Variants in COL24A1 observed in about 807,000 individuals in gnomAD.
COL24A1 encodes the protein collagen alpha-1(XXIV) chain.
Under a neutral mutation model 253.9 loss-of-function variants are expected in COL24A1, and 224 were observed. The ratio of observed to expected loss-of-function variants is 0.88; its 90% CI spans 0.79 to 0.99. The LOEUF (loss-of-function observed/expected upper bound fraction) is 0.99, where lower values mean the gene tolerates loss of function less well. Ranked by LOEUF, COL24A1 falls within the 50% of genes least tolerant of loss-of-function variation. The pLI, the probability that COL24A1 is intolerant of heterozygous loss-of-function variation, is 0.00. For missense variants in COL24A1, 2,131 were observed against 2,068.5 expected (o/e 1.03, Z -0.59); for synonymous variants, 685 against 673.7 (o/e 1.02, Z -0.26).
chr1:85,875,252 T>C, intron 34 of COL24A1, 25 bp downstream of exon 34: 1 of 1,606,438 alleles, frequency 6.2e-7, no homozygotes. Flanking sequence ...GTTTAGAGAT[T>C]CTCCTTTATT....
intron 5 of COL24A1, among the ~76,000 whole-genome samples, chr1:86,106,931 T>A (rs954446719): frequency 6.6e-6 from 1 of 152,212 alleles, no homozygotes; most frequent in African/African-American, 2.4e-5. Flanking sequence ...TTTCTATTGT[T>A]TAACAATTTA....
In COL24A1 at chr1:86,125,962, A is replaced by C; in HGVS notation, c.374T>G (p.Ile125Ser). ...HRVNNAFLFS[I>S]RNKNRLQLGV... ...TAATTGCAGTCTATTTTTATTTCTA[A>C]TGCTGAAGAGAAATGCATTGTTCAC... The change falls in exon 3 of 60, where the codon ATT becomes AGT. Residue 125 changes from isoleucine to serine, a missense_variant. Ile to Ser is a moderately radical substitution (Grantham distance 142). Transcript: ENST00000370571. 7 of 1,613,518 alleles carry C rather than the reference A, an allele frequency of 4.3e-6. No homozygotes were observed. Among genetic ancestry groups the C allele is most frequent in the Non-Finnish European group, 5.9e-6 (7 of 1,179,772 alleles).
intron 12 of COL24A1, among the ~76,000 whole-genome samples, chr1:86,043,553 G>T (rs757546596): frequency 3.3e-5 from 5 of 151,318 alleles, no homozygotes; most frequent in African/African-American, 4.9e-5. Flanking sequence ...TTTTGAGATG[G>T]AGTCTCGCTC....
At chr1:85,946,253 C>T (rs909218232) in intron 24 of COL24A1, among the ~76,000 whole-genome samples, 6 of 152,054 alleles carry the variant, frequency 3.9e-5, no homozygotes, top group East Asian at 1.9e-4. Flanking sequence ...GGGTATTAAG[C>T]GCATACTGTG....
chr1:86,122,253 C>A (rs1246519831), intron 3 of COL24A1, among the ~76,000 whole-genome samples: 1 of 151,978 alleles, frequency 6.6e-6, no homozygotes, highest in Non-Finnish European at 1.5e-5. Flanking sequence ...AAAGTCTCTT[C>A]TTTGGCTTTT....
chr1:86,033,205 T>C (rs1352741504), intron 13 of COL24A1, among the ~76,000 whole-genome samples: 4 of 152,130 alleles, frequency 2.6e-5, no homozygotes, highest in Non-Finnish European at 5.9e-5. Flanking sequence ...TTTACTTACG[T>C]GTAATTATTG....
intron 24 of COL24A1, among the ~76,000 whole-genome samples, chr1:85,946,733 T>C (rs1689358748): frequency 6.6e-6 from 1 of 152,232 alleles, no homozygotes; most frequent in African/African-American, 2.4e-5. Flanking sequence ...AAAACCCATG[T>C]ACTTTCTAAA....
intron 37 of COL24A1, among the ~76,000 whole-genome samples, chr1:85,856,793 A>G (rs1245152016): frequency 1.3e-5 from 2 of 152,140 alleles, no homozygotes; most frequent in Non-Finnish European, 2.9e-5. Flanking sequence ...AGGTGTCTGT[A>G]CGCCCAAAGG....
intron 37 of COL24A1, among the ~76,000 whole-genome samples, chr1:85,851,608 T>C (rs1677773910): frequency 6.6e-6 from 1 of 152,204 alleles, no homozygotes; most frequent in Non-Finnish European, 1.5e-5. Flanking sequence ...CCTATAATGC[T>C]TGATCGTATG....
At chr1:85,914,227 C>T (rs1007551878) in intron 24 of COL24A1, among the ~76,000 whole-genome samples, 1 of 151,690 alleles carries the variant, frequency 6.6e-6, no homozygotes, top group African/African-American at 2.4e-5. Context: ...GTTTTAAATA[C>T]CTGCTATGGC....
chr1:86,025,845 A>C (rs949006838), intron 14 of COL24A1, among the ~76,000 whole-genome samples: 10 of 152,104 alleles, frequency 6.6e-5, no homozygotes, highest in Non-Finnish European at 1.3e-4. Flanking sequence ...GCATTTTTGT[A>C]CCTAAAGAAA....
intron 24 of COL24A1, among the ~76,000 whole-genome samples, chr1:85,945,176 C>T (rs1262612410): frequency 6.6e-6 from 1 of 150,996 alleles, no homozygotes; most frequent in Non-Finnish European, 1.5e-5. Context: ...TGCCACCATG[C>T]CTGGCTAATT....
At chr1:85,962,213 T>C (rs971418137) in intron 23 of COL24A1, among the ~76,000 whole-genome samples, 1 of 152,144 alleles carries the variant, frequency 6.6e-6, no homozygotes, top group African/African-American at 2.4e-5. Flanking sequence ...AGGCACCCTG[T>C]GAACTGGAGC....
intron 28 of COL24A1, among the ~76,000 whole-genome samples, chr1:85,903,688 G>T (rs1450478579): frequency 6.6e-6 from 1 of 152,044 alleles, no homozygotes; most frequent in Non-Finnish European, 1.5e-5. Flanking sequence ...CATAAACTAA[G>T]CATGTTTTAT....
At chr1:85,802,950 A>G (rs1006159776) in intron 47 of COL24A1, among the ~76,000 whole-genome samples, 3 of 152,128 alleles carry the variant, frequency 2.0e-5, no homozygotes, top group Non-Finnish European at 4.4e-5. Flanking sequence ...ACTAGAATTT[A>G]TTTAGCCATT....
At chr1:85,807,194 T>C (rs10159046) in intron 47 of COL24A1, among the ~76,000 whole-genome samples, 8,925 of 152,222 alleles carry the variant, frequency 0.059, 884 homozygotes, top group African/African-American at 0.2. Flanking sequence ...CTACAGTCAA[T>C]GAGGTTGAAA....
At chr1:86,059,096 A>T in intron 9 of COL24A1, 25 bp downstream of exon 9, 1 of 1,552,298 alleles carries the variant, frequency 6.4e-7, no homozygotes, top group South Asian at 1.2e-5. Context: ...ACACAAAGAG[A>T]AAAGTCTAAA....
intron 55 of COL24A1, 65 bp from the exon 56 acceptor site, chr1:85,745,571 C>T (rs1665127232): frequency 1.7e-6 from 2 of 1,151,698 alleles, no homozygotes; most frequent in Admixed American, 4.3e-5. Context: ...AAAGTAAAGG[C>T]TGTAAATTCT....
intron 19 of COL24A1, among the ~76,000 whole-genome samples, chr1:86,012,313 G>A (rs2101158652): frequency 6.6e-6 from 1 of 152,266 alleles, no homozygotes; most frequent in East Asian, 1.9e-4. Context: ...CTACTGGCCA[G>A]GTGCGGTGGC....
Sources: allele counts gnomAD v4.1 joint callset (sites outside exome capture counted in the v4.1 genomes callset), GRCh38; gene constraint gnomAD v4.1.1; transcripts MANE v1.5; gene names NCBI Gene and HGNC (gene_info 2026-07-23, HGNC 2026-07-21).